Variants in XIRP2 observed in about 807,000 individuals in gnomAD.
The protein encoded by XIRP2 is xin actin-binding repeat-containing protein 2.
XIRP2 carries 236 observed loss-of-function variants against 277.0 expected under a neutral mutation model. That is an observed-to-expected ratio of 0.85 (90% CI 0.77 to 0.95). The LOEUF (loss-of-function observed/expected upper bound fraction) is 0.95. Among genes scored for constraint, XIRP2 ranks in the 40% least tolerant of loss-of-function variants. The pLI is 0.00. For missense variants in XIRP2, 4,640 were observed against 4,157.5 expected (o/e 1.12, Z -3.19); for synonymous variants, 1,490 against 1,416.5 (o/e 1.05, Z -1.17).
chr2:167,043,543 C>A (rs2105523553), intron 2 of XIRP2, among the ~76,000 whole-genome samples: 1 of 151,970 alleles, frequency 6.6e-6, no homozygotes, highest in East Asian at 1.9e-4. Flanking sequence ...TACAAAAAAC[C>A]CTCACAGACA....
chr2:167,152,776 T>C (rs1266883333), intron 3 of XIRP2, among the ~76,000 whole-genome samples: 1 of 152,106 alleles, frequency 6.6e-6, no homozygotes, highest in Admixed American at 6.6e-5. Flanking sequence ...TTGAGAATTG[T>C]TCTCTACTTT....
chr2:166,940,261 A>G (rs545919248), intron 2 of XIRP2, among the ~76,000 whole-genome samples: 3 of 152,272 alleles, frequency 2.0e-5, no homozygotes, highest in South Asian at 4.1e-4. Context: ...TTGTGCATTC[A>G]TCACGTAGTT....
At chr2:167,084,042 G>C (rs945155883) in intron 2 of XIRP2, among the ~76,000 whole-genome samples, 1 of 151,772 alleles carries the variant, frequency 6.6e-6, no homozygotes, top group African/African-American at 2.4e-5. Flanking sequence ...AATGCTTCCA[G>C]TTTTTGCCCA....
At chr2:166,915,649 T>G (rs1039801308) in intron 2 of XIRP2, among the ~76,000 whole-genome samples, 1 of 152,184 alleles carries the variant, frequency 6.6e-6, no homozygotes, top group Non-Finnish European at 1.5e-5. Flanking sequence ...ATAAGGGGGT[T>G]GACTTTTCTA....
At chr2:167,072,330 T>A (rs1298561168) in intron 2 of XIRP2, among the ~76,000 whole-genome samples, 6 of 152,132 alleles carry the variant, frequency 3.9e-5, no homozygotes, top group Non-Finnish European at 8.8e-5. Flanking sequence ...CAAGCAAAAA[T>A]TTTAACCATA....
In XIRP2 at chr2:167,227,605, G is replaced by T. The variant is rs138404706; in HGVS notation, c.858+9305G>T. On this transcript the variant is annotated intron_variant, in intron 5 of 10. Coordinates refer to ENST00000409195, the MANE Select transcript of XIRP2 (RefSeq NM_152381.6). ...GCTTGTAGTCCCAGCTACTCAGGAGGCTGAGGTGGAAGGATGACTTGAGCC... is the reference window on the plus strand; with the variant it reads ...GCTTGTAGTCCCAGCTACTCAGGAGTCTGAGGTGGAAGGATGACTTGAGCC... Among the ~76,000 whole-genome samples, 488 of 152,146 alleles carry T rather than the reference G, an allele frequency of 3.2e-3. 21 individuals are homozygous for T. In the East Asian group the frequency reaches 0.066, roughly 21 times the overall value.
At chr2:167,065,922 TA>T (rs953494211) in intron 2 of XIRP2, among the ~76,000 whole-genome samples, 3 of 151,992 alleles carry the variant, frequency 2.0e-5, no homozygotes, top group African/African-American at 7.2e-5. Flanking sequence ...TAGTTTCTTT[TA>T]AAAAATAGCT....
chr2:167,197,174 G>A (rs959716095), intron 3 of XIRP2, among the ~76,000 whole-genome samples: 7 of 152,118 alleles, frequency 4.6e-5, no homozygotes, highest in Admixed American at 1.3e-4. Context: ...AGAGTCACAG[G>A]TTTACATGCA....
intron 2 of XIRP2, among the ~76,000 whole-genome samples, chr2:167,048,127 T>C (rs186160767): frequency 2.0e-5 from 3 of 152,144 alleles, no homozygotes; most frequent in Admixed American, 1.3e-4. Context: ...TCTGTAACAG[T>C]GGGCATCAGT....
intron 2 of XIRP2, among the ~76,000 whole-genome samples, chr2:167,079,107 T>C (rs1689659888): frequency 6.6e-6 from 1 of 152,224 alleles, no homozygotes; most frequent in South Asian, 2.1e-4. Flanking sequence ...CCCACATCTA[T>C]TGAGATAAAC....
At chr2:167,149,541 C>T (rs371861517) in intron 3 of XIRP2, among the ~76,000 whole-genome samples, 4 of 152,008 alleles carry the variant, frequency 2.6e-5, no homozygotes, top group Non-Finnish European at 4.4e-5. Flanking sequence ...ATAGACTAGT[C>T]GGTGAATTAG....
chr2:166,957,153 C>T (rs959537602), intron 2 of XIRP2, among the ~76,000 whole-genome samples: 1 of 151,404 alleles, frequency 6.6e-6, no homozygotes, highest in African/African-American at 2.4e-5. Flanking sequence ...TGATTTTTCT[C>T]TTTATCTGGA....
chr2:167,051,340 A>T (rs1368817407), intron 2 of XIRP2, among the ~76,000 whole-genome samples: 1 of 151,518 alleles, frequency 6.6e-6, no homozygotes, highest in Admixed American at 6.6e-5. Flanking sequence ...AATAGATAAC[A>T]CAGATTATGC....
intron 2 of XIRP2, among the ~76,000 whole-genome samples, chr2:166,909,459 T>A (rs1684635512): frequency 6.6e-6 from 1 of 152,342 alleles, no homozygotes; most frequent in South Asian, 2.1e-4. Context: ...TTTTTGCACA[T>A]TGATTTTGTA....
chr2:167,084,809 G>A (rs907882147), intron 2 of XIRP2, among the ~76,000 whole-genome samples: 2 of 150,412 alleles, frequency 1.3e-5, no homozygotes, highest in African/African-American at 4.9e-5. Context: ...ATTTTTTATT[G>A]TGTCTATTTG....
At chr2:167,031,271 C>A (rs1688338725) in intron 2 of XIRP2, among the ~76,000 whole-genome samples, 1 of 152,040 alleles carries the variant, frequency 6.6e-6, no homozygotes, top group African/African-American at 2.4e-5. Flanking sequence ...TTAGTTGATG[C>A]AGTTTCTTCA....
intron 2 of XIRP2, among the ~76,000 whole-genome samples, chr2:166,909,843 G>T (rs1684649122): frequency 6.6e-6 from 1 of 152,172 alleles, no homozygotes; most frequent in Non-Finnish European, 1.5e-5. Context: ...TTTTGTCAAA[G>T]GCCTTTTCTG....
At chr2:167,127,151 C>T (rs1378547059) in intron 2 of XIRP2, among the ~76,000 whole-genome samples, 3 of 152,174 alleles carry the variant, frequency 2.0e-5, no homozygotes, top group African/African-American at 7.2e-5. Flanking sequence ...CTCCCTGCTG[C>T]ATTTGAAATG....
At chr2:167,160,375 C>T (rs1477159654) in intron 3 of XIRP2, among the ~76,000 whole-genome samples, 4 of 152,134 alleles carry the variant, frequency 2.6e-5, no homozygotes, top group African/African-American at 4.8e-5. Flanking sequence ...TGAAAACTGG[C>T]ATTATACTGT....
Sources: allele counts gnomAD v4.1 joint callset (sites outside exome capture counted in the v4.1 genomes callset), GRCh38; gene constraint gnomAD v4.1.1; transcripts MANE v1.5; gene names NCBI Gene and HGNC (gene_info 2026-07-23, HGNC 2026-07-21).